Variants in MAP3K4 observed in about 807,000 individuals in gnomAD.
The protein encoded by MAP3K4 is MAP three kinase 1.
MAP3K4 carries 67 observed loss-of-function variants against 185.6 expected under a neutral mutation model. The observed-to-expected ratio is 0.36, with a 90% CI of 0.30 to 0.44. MAP3K4 has a LOEUF of 0.44. Among genes scored for constraint, MAP3K4 ranks in the 20% least tolerant of loss-of-function variants. The pLI is 1.00. For synonymous variants in MAP3K4, 702 were observed against 710.4 expected, an observed-to-expected ratio of 0.99 and a Z score of 0.19; for missense variants, 1,551 against 1,995.1, an observed-to-expected ratio of 0.78 and a Z score of 4.24.
chr6:161,052,898 G>A (rs777172851), intron 3 of MAP3K4, among the ~76,000 whole-genome samples: 2 of 152,066 alleles, frequency 1.3e-5, no homozygotes, highest in Admixed American at 6.5e-5. Flanking sequence ...AGAACGTTGT[G>A]GATAGGAATC....
chr6:161,059,464 CACTG>C (rs1030995371), intron 3 of MAP3K4, among the ~76,000 whole-genome samples: 2 of 152,148 alleles, frequency 1.3e-5, no homozygotes, highest in African/African-American at 4.8e-5. Context: ...TTTCTAGTGA[CACTG>C]AGCCTGTTTT....
intron 19 of MAP3K4, among the ~76,000 whole-genome samples, chr6:161,105,525 G>A (rs1778027808): frequency 6.6e-6 from 1 of 152,156 alleles, no homozygotes; most frequent in African/African-American, 2.4e-5. Context: ...CCCTTTTTCT[G>A]TACTCTTCCC....
intron 1 of MAP3K4, among the ~76,000 whole-genome samples, chr6:161,006,666 T>A (rs1448982516): frequency 6.6e-6 from 1 of 152,200 alleles, no homozygotes; most frequent in Non-Finnish European, 1.5e-5. Flanking sequence ...AGGGATTTTA[T>A]AACCTATTTG....
rs1399723023 is a variant in MAP3K4 at position 161,017,030 on chromosome 6, A to G, written c.153-17229A>G. ...TTCTATGTTAATAAAAGTTACTAGT[A>G]ATGATATATATCTCGGGAGTATAAT... On this transcript the variant is annotated intron_variant, in intron 1 of 26. Coordinates refer to ENST00000392142, the MANE Select transcript of MAP3K4 (RefSeq NM_005922.4). This position sits in a 1 kb window ranked among gnomAD's most constrained non-coding sequence, Gnocchi z 5.1. 2.0e-5 allele frequency among the ~76,000 whole-genome samples: 3 copies of G among 152,196 alleles called. No individual in the cohort carries two copies. Among genetic ancestry groups the G allele is most frequent in the Non-Finnish European group, 4.4e-5 (3 of 68,030 alleles).
intron 1 of MAP3K4, among the ~76,000 whole-genome samples, chr6:161,003,043 C>T (rs1214547133): frequency 6.6e-6 from 1 of 151,516 alleles, no homozygotes; most frequent in East Asian, 1.9e-4. Context: ...CATGATATAA[C>T]ATATGGTTTG....
In MAP3K4 at chr6:161,092,108, G is replaced by C. The variant is rs780920080; in HGVS notation, c.3234G>C (p.Leu1078=). 3 of 1,613,886 alleles carry C rather than the reference G, an allele frequency of 1.9e-6. No individual in the cohort carries two copies. Among genetic ancestry groups the C allele is most frequent in the Admixed American group, 3.3e-5 (2 of 60,024 alleles). The change falls in exon 13 of 27, where the codon CTG becomes CTC. Residue 1078 remains leucine (L), a synonymous_variant. Coordinates refer to ENST00000392142, the MANE Select transcript of MAP3K4 (RefSeq NM_005922.4). ...CCCGGAAGTGGATGAATTATGTCCT[G>C]ACTAAATGTGAGAGTGGTAGAGGTA... The part of the protein sequence containing the change: ...SFARKWMNYV[L]TKCESGRGTR...
intron 1 of MAP3K4, among the ~76,000 whole-genome samples, chr6:161,001,303 A>G (rs1020533043): frequency 4.6e-5 from 7 of 151,870 alleles, no homozygotes; most frequent in African/African-American, 7.2e-5. Context: ...AATGTTATCA[A>G]ATAATTCAAA....
chr6:161,097,207 A>G lies in MAP3K4; in HGVS notation c.3524+31A>G, dbSNP rs532097228. 6.3e-7 allele frequency: 1 copy of G among 1,586,580 alleles called. No individual in the cohort carries two copies. Among genetic ancestry groups the G allele is most frequent in the Admixed American group, 1.7e-5 (1 of 59,954 alleles). ...TGGTGCTTATCTAGTCATTTGCTTT[A>G]CAGAGTGCCCTCCGATATGCATGCT... On this transcript the variant is annotated intron_variant, in intron 16 of 26. Transcript: ENST00000392142. The surrounding 1 kb of genome is among the most constrained non-coding windows in gnomAD (Gnocchi z 4.9).
chr6:161,065,368 T>G (rs1784659768), intron 3 of MAP3K4, among the ~76,000 whole-genome samples: 1 of 152,204 alleles, frequency 6.6e-6, no homozygotes, highest in Non-Finnish European at 1.5e-5. Flanking sequence ...TGCTGTGCTC[T>G]TCACTGGAAT....
Position 161,112,814 on chromosome 6 carries a change from G to T in MAP3K4, c.4626+40G>T. ...CACACCTGGCGGAGCAACTTCAGAA[G>T]GGCACTGTGCATTAACAGAACAGTA... On this transcript the variant is annotated intron_variant, in intron 25 of 26. Transcript: ENST00000392142. This position sits in a 1 kb window ranked among gnomAD's most constrained non-coding sequence, Gnocchi z 5.1. 1 of 1,405,486 alleles carries T rather than the reference G, an allele frequency of 7.1e-7. No homozygotes were observed. Among genetic ancestry groups the T allele is most frequent in the South Asian group, 1.4e-5 (1 of 70,124 alleles). The allele number at this position is 1,405,486 out of a possible 1,614,324, so 87.1% of individuals were successfully genotyped here. A position where few individuals can be genotyped will look rare whatever the true frequency, so the allele number is the denominator to read the frequency against.
intron 6 of MAP3K4, 68 bp downstream of exon 6, chr6:161,081,106 TTC>T: frequency 6.6e-7 from 1 of 1,509,746 alleles, no homozygotes; most frequent in Non-Finnish European, 9.1e-7. Flanking sequence ...TACTCACTGA[TTC>T]TCTCCTATGT....
chr6:161,006,295 C>T (rs909561073), intron 1 of MAP3K4, among the ~76,000 whole-genome samples: 6 of 152,250 alleles, frequency 3.9e-5, no homozygotes, highest in East Asian at 1.9e-4. Flanking sequence ...GCTGGCCTTT[C>T]GTATCTGTGG....
intron 1 of MAP3K4, among the ~76,000 whole-genome samples, chr6:160,994,459 C>T (rs1402427510): frequency 6.6e-6 from 1 of 152,080 alleles, no homozygotes; most frequent in African/African-American, 2.4e-5. Flanking sequence ...CTGCAGTTGC[C>T]ATTATTTCGT....
In MAP3K4 at chr6:161,048,962, A is replaced by C; in HGVS notation, c.690A>C (p.Arg230=). 2.5e-6 allele frequency: 4 copies of C among 1,613,964 alleles called. No individual in the cohort carries two copies. The highest frequency in any genetic ancestry group is 3.4e-6 in the Non-Finnish European group (4 of 1,179,932). ...ADRLKFFETL[R]LLLKLTSVSK... ...GTTTAAAGTTTTTTGAAACTTTACG[A>C]CTTTTGCTAAAGCTTACCTCAGTCT... The change falls in exon 3 of 27, where the codon CGA becomes CGC. Residue 230 remains arginine, a synonymous_variant. Transcript: ENST00000392142. This position sits in a 1 kb window ranked among gnomAD's most constrained non-coding sequence, Gnocchi z 4.7.
At chr6:161,059,608 G>T (rs941610422) in intron 3 of MAP3K4, among the ~76,000 whole-genome samples, 1 of 152,132 alleles carries the variant, frequency 6.6e-6, no homozygotes, top group Admixed American at 6.5e-5. Context: ...TATGATGGTT[G>T]TAAATACTTC....
In MAP3K4 at chr6:161,067,361, CAGTG is replaced by C. The variant is rs1187846887; in HGVS notation, c.1708-3244_1708-3241del. ...GATTAGCTTCCTTATGCATCGATCT[CAGTG>C]AGCAGAGGGAACAGGATGGGAGGCA... is the stretch of plus-strand genomic sequence containing the variant. On this transcript the variant is annotated intron_variant, in intron 3 of 26. Coordinates refer to ENST00000392142, the MANE Select transcript of MAP3K4 (RefSeq NM_005922.4). This position sits in a 1 kb window ranked among gnomAD's most constrained non-coding sequence, Gnocchi z 6.3. The C allele has an allele frequency of 2.9e-6, 1 of 350,452 alleles. No homozygotes were observed. Among genetic ancestry groups the C allele is most frequent in the Non-Finnish European group, 5.8e-6 (1 of 171,484 alleles). The allele number at this position is 350,452 out of a possible 1,614,324, so 21.7% of individuals were successfully genotyped here.
chr6:161,059,877 A>G (rs1411985734), intron 3 of MAP3K4, among the ~76,000 whole-genome samples: 2 of 143,374 alleles, frequency 1.4e-5, no homozygotes, highest in African/African-American at 2.5e-5. Context: ...TTTTTTTGCC[A>G]TATATGAAGA....
intron 1 of MAP3K4, among the ~76,000 whole-genome samples, chr6:161,020,672 A>C (rs898967295): frequency 6.6e-6 from 1 of 151,094 alleles, no homozygotes; most frequent in African/African-American, 2.5e-5. Context: ...AAAAAAAAAA[A>C]AACAAGAAAG....
chr6:161,058,994 A>G (rs1784370536), intron 3 of MAP3K4, among the ~76,000 whole-genome samples: 2 of 152,316 alleles, frequency 1.3e-5, no homozygotes, highest in East Asian at 3.9e-4. Flanking sequence ...CATGGGGTAT[A>G]TGCACATTCA....
Sources: gnomAD v4.1 joint callset for allele counts (sites outside exome capture counted in the v4.1 genomes callset) on GRCh38, gnomAD v4.1.1 for gene constraint, Gnocchi (gnomAD v3.1) non-coding constraint, MANE v1.5 for transcripts, NCBI Gene and HGNC (gene_info 2026-07-23, HGNC 2026-07-21) for gene names.